Variants in TPST2 observed in about 807,000 individuals in gnomAD.
TPST2 encodes protein-tyrosine sulfotransferase 2.
In TPST2, 16 loss-of-function variants were observed where a neutral mutation model predicts 27.8. The observed-to-expected ratio is 0.58, with a 90% CI of 0.39 to 0.88. The LOEUF (loss-of-function observed/expected upper bound fraction) is 0.88. TPST2 is among the 40% of genes least tolerant of loss of function. The pLI is 0.00. For synonymous variants in TPST2, 229 were observed against 231.7 expected (o/e 0.99, Z 0.10); for missense variants, 464 against 543.1 (o/e 0.85, Z 1.45).
chr22:26,573,425 A>G (rs1927710662), intron 1 of TPST2, among the ~76,000 whole-genome samples: 1 of 152,226 alleles, frequency 6.6e-6, no homozygotes, highest in African/African-American at 2.4e-5. Context: ...GAGTTTCCAC[A>G]CAAGATGTGA....
At chr22:26,561,532 C>G (rs1927094245) in intron 1 of TPST2, among the ~76,000 whole-genome samples, 1 of 127,416 alleles carries the variant, frequency 7.8e-6, no homozygotes, top group Middle Eastern at 4.1e-3. Flanking sequence ...TAACTGAATA[C>G]CACTCTGTAA....
rs1273646209 is a variant in TPST2 at position 26,536,547 on chromosome 22, C to G, written c.843-61G>C. The G allele has an allele frequency of 2.2e-6, 3 of 1,370,338 alleles. No individual in the cohort carries two copies. The African/African-American group carries it at 4.4e-5, about 20-fold the overall frequency. 84.9% of individuals were successfully genotyped at this position (1,370,338 alleles called of 1,614,324 possible). ...GACCCAGATGGCGCCTGAGCGGATT[C>G]CCTGCTCAGCCACTCTGGGGCAGCA... On this transcript the variant is annotated intron_variant, in intron 3 of 6. Transcript: ENST00000338754.
chr22:26,571,164 C>T (rs1167883753), intron 1 of TPST2, among the ~76,000 whole-genome samples: 1 of 152,178 alleles, frequency 6.6e-6, no homozygotes, highest in Non-Finnish European at 1.5e-5. Flanking sequence ...CTTTCTGCCC[C>T]CAACCCCACT....
chr22:26,541,650 AG>A lies in TPST2; in HGVS notation c.-21del. 6.5e-7 allele frequency: 1 copy of A among 1,541,112 alleles called. No individual in the cohort carries two copies. The highest frequency in any genetic ancestry group is 8.7e-7 in the Non-Finnish European group (1 of 1,150,422). On this transcript the variant is annotated 5_prime_UTR_variant, in exon 3 of 7. Coordinates refer to ENST00000338754, the MANE Select transcript of TPST2 (RefSeq NM_003595.5). The surrounding 1 kb of genome is among the most constrained non-coding windows in gnomAD (Gnocchi z 5.9). Reference sequence around the variant, plus strand: ...GCGCATGCTGGGCCGGAGGCAGGGTAGGCCTGGCCTGAGGGCCCGCTTCTGG... The same window carrying A: ...GCGCATGCTGGGCCGGAGGCAGGGTAGCCTGGCCTGAGGGCCCGCTTCTGG...
intron 1 of TPST2, among the ~76,000 whole-genome samples, chr22:26,556,466 G>A (rs1051706262): frequency 6.6e-6 from 1 of 152,116 alleles, no homozygotes; most frequent in Non-Finnish European, 1.5e-5. Context: ...CTTGAATCTG[G>A]GAGGCAGAGG....
In TPST2 at chr22:26,570,058, A is replaced by G. The variant is rs866516282; in HGVS notation, c.-161+19995T>C. ...AAGAAAGAAAGACAGAAAGAAAGAA[A>G]GAAAGAAGGAAAGAAAGAAAGAAAG... On this transcript the variant is annotated intron_variant, in intron 1 of 6. Transcript: ENST00000338754. 2.5e-4 allele frequency among the ~76,000 whole-genome samples: 36 copies of G among 141,222 alleles called. No individual in the cohort carries two copies. In the East Asian group the frequency reaches 6.5e-3, roughly 26 times the overall value. The allele number at this position is 141,222 out of a possible 152,430, so 92.6% of individuals were successfully genotyped here. A position where few individuals can be genotyped will look rare whatever the true frequency, so the allele number is the denominator to read the frequency against.
intron 4 of TPST2, among the ~76,000 whole-genome samples, chr22:26,533,276 G>C (rs1925267770): frequency 6.6e-6 from 1 of 152,126 alleles, no homozygotes; most frequent in South Asian, 2.1e-4. Flanking sequence ...GCTGGGCATG[G>C]TGGCATGCAC....
chr22:26,560,671 G>A, intron 1 of TPST2: 1 of 1,181,602 alleles, frequency 8.5e-7, no homozygotes, highest in Non-Finnish European at 1.3e-6. Flanking sequence ...TCAGAGAGGT[G>A]GAAGACCATG....
intron 1 of TPST2, among the ~76,000 whole-genome samples, chr22:26,573,012 C>T (rs1440504522): frequency 6.6e-6 from 1 of 152,144 alleles, no homozygotes; most frequent in Non-Finnish European, 1.5e-5. Flanking sequence ...CCTCATTTTT[C>T]TCATCTGTGA....
chr22:26,533,215 G>T (rs1419341725), intron 4 of TPST2, among the ~76,000 whole-genome samples: 1 of 152,124 alleles, frequency 6.6e-6, no homozygotes, highest in Admixed American at 6.6e-5. Context: ...AGCAGTTTGA[G>T]ATCAGCCTGG....
intron 1 of TPST2, among the ~76,000 whole-genome samples, chr22:26,587,173 A>G (rs926905929): frequency 1.8e-4 from 28 of 152,258 alleles, no homozygotes; most frequent in African/African-American, 6.0e-4. Context: ...TAGGAGAGCC[A>G]TGGAGGGTCT....
chr22:26,585,846 C>T (rs1234025790), intron 1 of TPST2, among the ~76,000 whole-genome samples: 8 of 151,976 alleles, frequency 5.3e-5, no homozygotes, highest in African/African-American at 1.2e-4. Flanking sequence ...GTCAGGAGAT[C>T]GAGACCATCC....
chr22:26,586,656 G>A (rs533399024), intron 1 of TPST2, among the ~76,000 whole-genome samples: 1 of 145,912 alleles, frequency 6.9e-6, no homozygotes, highest in Non-Finnish European at 1.5e-5. Flanking sequence ...CGGCTGGGAG[G>A]CGTGGTCTTA....
chr22:26,536,478 C>T lies in TPST2; in HGVS notation c.851G>A (p.Arg284Gln), dbSNP rs759337807. Reference protein sequence around the residue: ...PGGVSLSKIERSTDQVIKPVN... With the variant: ...PGGVSLSKIEQSTDQVIKPVN... Reference sequence around the variant, plus strand: ...AGGCTTGATGACCTGGTCCGTGGACCGCTCGATCCTGGGGAGAGAGGAGAC... The same window carrying T: ...AGGCTTGATGACCTGGTCCGTGGACTGCTCGATCCTGGGGAGAGAGGAGAC... The change falls in exon 4 of 7, where the codon CGG becomes CAG. Residue 284 changes from arginine to glutamine, a missense_variant. Physicochemically the swap from Arg to Gln is conservative, Grantham distance 43. Coordinates refer to ENST00000338754, the MANE Select transcript of TPST2 (RefSeq NM_003595.5). 2.6e-6 allele frequency: 4 copies of T among 1,531,134 alleles called. No homozygotes were observed. Among genetic ancestry groups the T allele is most frequent in the Admixed American group, 2.1e-5 (1 of 48,032 alleles). 94.8% of individuals were successfully genotyped at this position (1,531,134 alleles called of 1,614,324 possible).
At chr22:26,553,339 A>C (rs1204249483) in intron 1 of TPST2, among the ~76,000 whole-genome samples, 3 of 151,750 alleles carry the variant, frequency 2.0e-5, no homozygotes, top group Non-Finnish European at 2.9e-5. Flanking sequence ...CCACGTAAGG[A>C]CTAGCAGAGA....
At chr22:26,575,085 G>A (rs1320174009) in intron 1 of TPST2, among the ~76,000 whole-genome samples, 1 of 152,094 alleles carries the variant, frequency 6.6e-6, no homozygotes, top group Non-Finnish European at 1.5e-5. Context: ...GCAGGGGTAA[G>A]AATCTAGGTT....
chr22:26,569,009 GC>G (rs1453082251), intron 1 of TPST2, among the ~76,000 whole-genome samples: 1 of 151,642 alleles, frequency 6.6e-6, no homozygotes, highest in African/African-American at 2.4e-5. Flanking sequence ...GACTACAGGC[GC>G]CCACCACCAC....
chr22:26,549,656 C>CAAAAAAAA (rs71192939), intron 1 of TPST2, among the ~76,000 whole-genome samples: 5 of 58,674 alleles, frequency 8.5e-5, no homozygotes, highest in Non-Finnish European at 8.6e-5. Flanking sequence ...GACTCCGTCT[C>CAAAAAAAA]AAAAAAAAAA....
chr22:26,579,885 G>A (rs926689160), intron 1 of TPST2, among the ~76,000 whole-genome samples: 1 of 145,866 alleles, frequency 6.9e-6, no homozygotes, highest in Non-Finnish European at 1.5e-5. Context: ...AAGAGTGACA[G>A]AGACAGGGAA....
Sources: allele counts gnomAD v4.1 joint callset (sites outside exome capture counted in the v4.1 genomes callset), GRCh38; gene constraint gnomAD v4.1.1; non-coding constraint Gnocchi (gnomAD v3.1); transcripts MANE v1.5; gene names NCBI Gene and HGNC (gene_info 2026-07-23, HGNC 2026-07-21).